Variants in RECK observed in about 807,000 individuals in gnomAD.
The protein encoded by RECK is reversion-inducing cysteine-rich protein with Kazal motifs.
In RECK, 69 loss-of-function variants were observed where a neutral mutation model predicts 115.1. That is an observed-to-expected ratio of 0.60 (90% CI 0.49 to 0.73). The LOEUF (loss-of-function observed/expected upper bound fraction) is 0.73, where lower values mean the gene tolerates loss of function less well. RECK is among the 30% of genes least tolerant of loss of function. RECK has a pLI of 0.00. For missense variants in RECK, 1,047 were observed against 1,203.7 expected (o/e 0.87, Z 1.93); for synonymous variants, 414 against 419.7 (o/e 0.99, Z 0.17).
intron 6 of RECK, among the ~76,000 whole-genome samples, chr9:36,074,567 A>C (rs577113219): frequency 6.6e-6 from 1 of 152,334 alleles, no homozygotes; most frequent in East Asian, 1.9e-4. Context: ...TTAAAGGATG[A>C]GCAGAAAGCT....
Position 36,044,211 on chromosome 9 carries a change from T to C in RECK, c.100+7113T>C, listed in dbSNP as rs191511656. The stretch of plus-strand genomic sequence containing the variant: ...CCTTGGTTAGGTATATTCCTAAGTA[T>C]TTTATTTTATTTTTTTTTTTTGCAG... On this transcript the variant is annotated intron_variant, in intron 1 of 20. Coordinates refer to ENST00000377966, the MANE Select transcript of RECK (RefSeq NM_021111.3). Among the ~76,000 whole-genome samples the C allele has an allele frequency of 1.7e-3, 257 of 147,580 alleles. 2 individuals carry two copies. The highest frequency in any genetic ancestry group is 5.9e-3 in the African/African-American group (226 of 38,254).
At chr9:36,105,413 G>T in intron 13 of RECK, 130 bp downstream of exon 13, 1 of 799,602 alleles carries the variant, frequency 1.3e-6, no homozygotes, top group Non-Finnish European at 2.0e-6. Flanking sequence ...GAGATTATGA[G>T]GGACTTCATG....
chr9:36,101,377 A>G (rs909701233), intron 11 of RECK, among the ~76,000 whole-genome samples: 1 of 152,226 alleles, frequency 6.6e-6, no homozygotes, highest in Admixed American at 6.5e-5. Flanking sequence ...TTCTTCACAT[A>G]TCTTTTTTTC....
At position 36,073,213 on chromosome 9, in the gene RECK, AACACACAGACACACACAGAC is replaced by A. The variant is rs879338865; in HGVS notation, c.406-7374_406-7355del. On this transcript the variant is annotated intron_variant, in intron 6 of 20. Coordinates refer to ENST00000377966, the MANE Select transcript of RECK (RefSeq NM_021111.3). Reference sequence around the variant, plus strand: ...TCCCTCCCTTCCACCCCTAAACAGCAACACACAGACACACACAGACACACACAGACACACACACACACACA... The same window carrying A: ...TCCCTCCCTTCCACCCCTAAACAGCAACACACAGACACACACACACACACA... 2.1e-3 allele frequency among the ~76,000 whole-genome samples: 301 copies of A among 141,774 alleles called. 5 individuals carry two copies. In the East Asian group the frequency reaches 0.04, roughly 19 times the overall value. 93.0% of individuals were successfully genotyped at this position (141,774 alleles called of 152,430 possible). A position where few individuals can be genotyped will look rare whatever the true frequency, so the allele number is the denominator to read the frequency against.
Position 36,037,015 on chromosome 9 carries a change from CCT to C in RECK, c.22_23del (p.Leu8AlafsTer31). ...GGCCCGGACATGGCGACCGTCCGGGCCTCTCTGCGAGGTGCGCTGCTCCTTCT... is the reference window on the plus strand; with the variant it reads ...GGCCCGGACATGGCGACCGTCCGGGCCTCTGCGAGGTGCGCTGCTCCTTCT... On this transcript the variant is annotated frameshift_variant, in exon 1 of 21. Coordinates refer to ENST00000377966, the MANE Select transcript of RECK (RefSeq NM_021111.3). LOFTEE classifies it high-confidence loss of function. 7.0e-7 allele frequency: 1 copy of C among 1,433,936 alleles called. No individual in the cohort carries two copies. The highest frequency in any genetic ancestry group is 9.2e-7 in the Non-Finnish European group (1 of 1,091,014). 88.8% of individuals were successfully genotyped at this position (1,433,936 alleles called of 1,614,324 possible).
chr9:36,115,097 T>C (rs1397020325), intron 16 of RECK, among the ~76,000 whole-genome samples: 1 of 152,092 alleles, frequency 6.6e-6, no homozygotes, highest in Non-Finnish European at 1.5e-5. Context: ...GGTGAATCAC[T>C]TGAGGCCAGA....
intron 1 of RECK, among the ~76,000 whole-genome samples, chr9:36,039,183 G>C (rs1820778649): frequency 6.6e-6 from 1 of 151,786 alleles, no homozygotes; most frequent in Non-Finnish European, 1.5e-5. Context: ...AAAATTCCAA[G>C]TTTGATCTAA....
chr9:36,042,128 A>G (rs1425264399), intron 1 of RECK, among the ~76,000 whole-genome samples: 1 of 151,298 alleles, frequency 6.6e-6, no homozygotes, highest in African/African-American at 2.4e-5. Flanking sequence ...TAAGTTCTTT[A>G]GTGGTGATTT....
intron 6 of RECK, among the ~76,000 whole-genome samples, chr9:36,073,534 T>G (rs537256477): frequency 1.3e-5 from 2 of 152,214 alleles, no homozygotes; most frequent in Non-Finnish European, 2.9e-5. Context: ...ATACCTATAA[T>G]AGCTGCCAAA....
chr9:36,116,192 G>T (rs1029658797), intron 16 of RECK, among the ~76,000 whole-genome samples: 2 of 148,206 alleles, frequency 1.3e-5, no homozygotes, highest in Non-Finnish European at 3.0e-5. Flanking sequence ...GCAATGGCGC[G>T]ATATCAGCTC....
chr9:36,112,589 G>A, intron 16 of RECK, 113 bp downstream of exon 16: 1 of 1,131,010 alleles, frequency 8.8e-7, no homozygotes, highest in Non-Finnish European at 1.3e-6. Flanking sequence ...CTGCTGCCCT[G>A]AAGAGTTTGG....
chr9:36,090,188 G>T (rs1823109422), intron 9 of RECK, among the ~76,000 whole-genome samples: 1 of 151,858 alleles, frequency 6.6e-6, no homozygotes, highest in South Asian at 2.1e-4. Context: ...GAAAGTTAAG[G>T]ACTAGAAAAA....
chr9:36,117,232 ATATTT>A, intron 17 of RECK, 55 bp downstream of exon 17: 1 of 1,417,406 alleles, frequency 7.1e-7, no homozygotes, highest in Non-Finnish European at 9.6e-7. Flanking sequence ...TTGGTTTATG[ATATTT>A]TACAGATGAA....
rs754432379 is a variant in RECK at position 36,121,655 on chromosome 9, C to G, written c.2661C>G (p.Ile887Met). ...FSIESEIVIL[I>M]IPVDHYPKAL... ...TTGAATCAGAAATTGTGATCCTGAT[C>G]ATTCCCGTCGATCACTATCCAAAAG... The change falls in exon 20 of 21, where the codon ATC becomes ATG. Residue 887 changes from isoleucine to methionine, a missense_variant. Coordinates refer to ENST00000377966, the MANE Select transcript of RECK (RefSeq NM_021111.3). 6.2e-7 allele frequency: 1 copy of G among 1,614,188 alleles called. No homozygotes were observed. Among genetic ancestry groups the G allele is most frequent in the Non-Finnish European group, 8.5e-7 (1 of 1,180,022 alleles).
At chr9:36,048,047 T>A (rs951398647) in intron 1 of RECK, among the ~76,000 whole-genome samples, 2 of 150,246 alleles carry the variant, frequency 1.3e-5, no homozygotes, top group Non-Finnish European at 2.9e-5. Context: ...TACTTTTATC[T>A]AATATGTATA....
chr9:36,070,898 A>G (rs1822203151), intron 6 of RECK, among the ~76,000 whole-genome samples: 1 of 152,200 alleles, frequency 6.6e-6, no homozygotes, highest in African/African-American at 2.4e-5. Context: ...GGCATGTTCA[A>G]GTATCATGGA....
chr9:36,120,566 C>T (rs1824423172), intron 18 of RECK, 97 bp from the exon 19 acceptor site: 5 of 978,130 alleles, frequency 5.1e-6, no homozygotes, highest in Non-Finnish European at 7.9e-6. Context: ...CACTGTAACT[C>T]TCCTGCCCAA....
chr9:36,076,138 G>A (rs1822438462), intron 6 of RECK, among the ~76,000 whole-genome samples: 1 of 152,240 alleles, frequency 6.6e-6, no homozygotes, highest in Non-Finnish European at 1.5e-5. Flanking sequence ...AACCCGGACT[G>A]CCCTACCAGT....
intron 4 of RECK, among the ~76,000 whole-genome samples, chr9:36,060,897 T>A (rs189114657): frequency 3.9e-4 from 59 of 152,300 alleles, no homozygotes; most frequent in African/African-American, 1.3e-3. Flanking sequence ...ATCAAACTCA[T>A]AACTGCACCT....
Sources: allele counts gnomAD v4.1 joint callset (sites outside exome capture counted in the v4.1 genomes callset), GRCh38; gene constraint gnomAD v4.1.1; transcripts MANE v1.5; gene names NCBI Gene and HGNC (gene_info 2026-07-23, HGNC 2026-07-21).